SLC27A6: variants seen among roughly 807,000 people sequenced by gnomAD.
The protein encoded by SLC27A6 is solute carrier family 27 member 6, also known as long-chain fatty acid transport protein 6.
A neutral mutation model predicts 63.9 loss-of-function variants in SLC27A6; 74 were observed. The ratio of observed to expected loss-of-function variants is 1.16; its 90% CI spans 0.96 to 1.40. SLC27A6 has a LOEUF of 1.40. SLC27A6 is among the 40% of genes most tolerant of loss of function. SLC27A6 has a pLI of 0.00. For synonymous variants in SLC27A6, 287 were observed against 260.8 expected (o/e 1.10, Z -0.97); for missense variants, 794 against 732.9 (o/e 1.08, Z -0.96).
intron 1 of SLC27A6, among the ~76,000 whole-genome samples, 178 bp from the exon 2 acceptor site, chr5:128,984,955 T>C (rs970175896): frequency 6.6e-6 from 1 of 152,214 alleles, no homozygotes; most frequent in Non-Finnish European, 1.5e-5. Context: ...AATTTCCCTT[T>C]CAGTTGGTCC....
intron 5 of SLC27A6, among the ~76,000 whole-genome samples, chr5:129,018,639 G>C (rs1037516881): frequency 1.3e-5 from 2 of 152,056 alleles, no homozygotes; most frequent in South Asian, 4.1e-4. Context: ...TACAAATTTG[G>C]TATTGATATT....
At chr5:129,028,475 TTAGAA>T (rs765130710) in intron 8 of SLC27A6, 33 bp downstream of exon 8, 57 of 1,324,864 alleles carry the variant, frequency 4.3e-5, no homozygotes, top group Non-Finnish European at 5.6e-5. Flanking sequence ...GGAAAGATTC[TTAGAA>T]TAGAATTGCC....
chr5:128,975,102 G>A (rs1281693035), intron 1 of SLC27A6, among the ~76,000 whole-genome samples: 1 of 152,142 alleles, frequency 6.6e-6, no homozygotes, highest in East Asian at 1.9e-4. Context: ...TGTAATCCCA[G>A]CACTTTGGGA....
chr5:128,976,514 CAAACAAAACA>C lies in SLC27A6; in HGVS notation c.482-8600_482-8591del, dbSNP rs146846789. Reference sequence around the variant, plus strand: ...AGGCAACAAGAATGAAACTCCGTCTCAAACAAAACAAAACAAAACAAAACAAAAAATCCAA... The same window carrying C: ...AGGCAACAAGAATGAAACTCCGTCTCAAACAAAACAAAACAAAAAATCCAA... On this transcript the variant is annotated intron_variant, in intron 1 of 9. Coordinates refer to ENST00000262462, the MANE Select transcript of SLC27A6 (RefSeq NM_001017372.3). 7.9e-5 allele frequency among the ~76,000 whole-genome samples: 12 copies of C among 151,950 alleles called. 1 individual carries two copies. The highest frequency in any genetic ancestry group is 1.5e-4 in the Non-Finnish European group (10 of 67,992).
chr5:128,978,645 C>T (rs1408658277), intron 1 of SLC27A6, among the ~76,000 whole-genome samples: 3 of 152,122 alleles, frequency 2.0e-5, no homozygotes, highest in Non-Finnish European at 4.4e-5. Context: ...TTCTGTATAA[C>T]TTATGAAAAA....
intron 4 of SLC27A6, among the ~76,000 whole-genome samples, chr5:129,002,213 A>G (rs989320073): frequency 1.3e-5 from 2 of 152,250 alleles, no homozygotes; most frequent in Non-Finnish European, 2.9e-5. Context: ...CATTTTCTAC[A>G]TGTTTGAATG....
rs1486608599 is a variant in SLC27A6 at position 128,966,355 on chromosome 5, T to C, written c.218T>C (p.Ile73Thr). ...HAKRQPRKPFIIYEGDIYTYQ... is the reference protein window; with the variant it reads ...HAKRQPRKPFTIYEGDIYTYQ... Reference sequence around the variant, plus strand: ...AAAAGACAACCTCGGAAACCTTTCATCATCTATGAGGGAGACATCTACACC... The same window carrying C: ...AAAAGACAACCTCGGAAACCTTTCACCATCTATGAGGGAGACATCTACACC... The change falls in exon 1 of 10, where the codon ATC becomes ACC. Residue 73 changes from isoleucine to threonine, a missense_variant. Transcript: ENST00000262462. 1 of 1,611,852 alleles carries C rather than the reference T, an allele frequency of 6.2e-7. No individual in the cohort carries two copies.
intron 1 of SLC27A6, among the ~76,000 whole-genome samples, chr5:128,968,339 C>G (rs146987260): frequency 1.3e-5 from 2 of 151,856 alleles, no homozygotes; most frequent in African/African-American, 2.4e-5. Context: ...ATCACCACAC[C>G]GTCTTCCACA....
At chr5:128,995,773 T>C (rs568439563) in intron 4 of SLC27A6, among the ~76,000 whole-genome samples, 31 of 152,320 alleles carry the variant, frequency 2.0e-4, no homozygotes, top group African/African-American at 7.2e-4. Context: ...CTTGAATCTT[T>C]GTAATCTTGG....
At position 129,029,302 on chromosome 5, in the gene SLC27A6, C is replaced by A. The variant is rs534185196; in HGVS notation, c.1553-275C>A. 2.6e-5 allele frequency among the ~76,000 whole-genome samples: 4 copies of A among 152,080 alleles called. No homozygotes were observed. In the South Asian group the frequency reaches 8.3e-4, roughly 32 times the overall value. On this transcript the variant is annotated intron_variant, in intron 8 of 9. Transcript: ENST00000262462. ...TATTTGTTTTAGTGATGGTAGGATG[C>A]AAATTCATTGTAATTTATAGTGTTT... is the stretch of plus-strand genomic sequence containing the variant.
Position 128,965,511 on chromosome 5 carries a change from G to A in SLC27A6, c.-627G>A, listed in dbSNP as rs1331920351. Reference sequence around the variant, plus strand: ...GGAACCCGCTGGCCCTGAGGCCACGGACCGAGACGTGGTGCTGAGCCCCTG... The same window carrying A: ...GGAACCCGCTGGCCCTGAGGCCACGAACCGAGACGTGGTGCTGAGCCCCTG... On this transcript the variant is annotated 5_prime_UTR_variant, in exon 1 of 10. Transcript: ENST00000262462. 3.9e-5 allele frequency: 6 copies of A among 152,416 alleles called. No homozygotes were observed. The East Asian group carries it at 1.2e-3, about 29-fold the overall frequency. 9.4% of individuals were successfully genotyped at this position (152,416 alleles called of 1,614,324 possible).
intron 1 of SLC27A6, among the ~76,000 whole-genome samples, chr5:128,967,380 T>A (rs1487912419): frequency 6.6e-6 from 1 of 152,148 alleles, no homozygotes; most frequent in Non-Finnish European, 1.5e-5. Flanking sequence ...ATATGAAAAA[T>A]GATACTTATT....
rs76960419 is a variant in SLC27A6, at chr5:128,996,190, C to T, written c.969+5726C>T. On this transcript the variant is annotated intron_variant, in intron 4 of 9. Transcript: ENST00000262462. Reference sequence around the variant, plus strand: ...ACATGTATGATGCTTATTTTTCAAGCTACTATTTGTAGTTTGACATTTAGG... The same window carrying T: ...ACATGTATGATGCTTATTTTTCAAGTTACTATTTGTAGTTTGACATTTAGG... Among the ~76,000 whole-genome samples the T allele has an allele frequency of 8.7e-3, 1,325 of 152,204 alleles. 26 individuals are homozygous for T. Among genetic ancestry groups the T allele is most frequent in the African/African-American group, 0.03 (1,243 of 41,526 alleles).
chr5:129,024,408 G>A (rs1257612366), intron 6 of SLC27A6, among the ~76,000 whole-genome samples: 1 of 152,098 alleles, frequency 6.6e-6, no homozygotes, highest in Admixed American at 6.6e-5. Context: ...TAGAAATGGT[G>A]CAACTTTAGA....
At chr5:128,973,014 C>G (rs1750239552) in intron 1 of SLC27A6, among the ~76,000 whole-genome samples, 2 of 152,166 alleles carry the variant, frequency 1.3e-5, no homozygotes, top group South Asian at 4.1e-4. Context: ...TTCCTTCTAA[C>G]AGTCAGGACC....
chr5:128,981,349 T>C (rs154590), intron 1 of SLC27A6, among the ~76,000 whole-genome samples: 109,503 of 151,688 alleles, frequency 0.72, 39,553 homozygotes, highest in East Asian at 0.88. Context: ...GGTGTGGTGG[T>C]GGGCATCTGT....
intron 7 of SLC27A6, 35 bp from the exon 8 acceptor site, chr5:129,028,310 G>A (rs763987481): frequency 7.2e-7 from 1 of 1,391,144 alleles, no homozygotes; most frequent in Admixed American, 1.7e-5. Context: ...TTCAAATACA[G>A]GTGCACTAAC....
intron 5 of SLC27A6, among the ~76,000 whole-genome samples, chr5:129,016,941 C>T (rs560824609): frequency 6.6e-6 from 1 of 152,070 alleles, no homozygotes; most frequent in Admixed American, 6.5e-5. Flanking sequence ...CTTCCACTGG[C>T]TTGGAAAAAA....
Position 129,023,700 on chromosome 5 carries a change from T to C in SLC27A6, c.1245T>C (p.His415=). The C allele has an allele frequency of 6.2e-7, 1 of 1,606,078 alleles. No individual in the cohort carries two copies. Among genetic ancestry groups the C allele is most frequent in the Non-Finnish European group, 8.5e-7 (1 of 1,175,574 alleles). Residue 415 remains histidine (H), a synonymous_variant, in exon 6 of 10, where the codon CAT becomes CAC. Transcript: ENST00000262462. ...GAAATGAGCAGGGTTGGTGTATTCA[T>C]GTGAAAAAAGGTAAGACTTCTATTT... ...PMRNEQGWCI[H]VKKGEPGLLI...
Sources: gnomAD v4.1 joint callset for allele counts (sites outside exome capture counted in the v4.1 genomes callset) on GRCh38, gnomAD v4.1.1 for gene constraint, MANE v1.5 for transcripts, NCBI Gene and HGNC (gene_info 2026-07-23, HGNC 2026-07-21) for gene names.